The following GNB1L variants were observed in gnomAD, a reference collection of about 807,000 sequenced individuals.
The protein encoded by GNB1L is G protein subunit beta 1 like.
In GNB1L, 20 loss-of-function variants were observed where a neutral mutation model predicts 29.1. The observed-to-expected ratio is 0.69, with a 90% CI of 0.48 to 1.00. GNB1L has a LOEUF of 1.00. Ranked by LOEUF, GNB1L falls within the 50% of genes least tolerant of loss-of-function variation. GNB1L has a pLI of 0.00. For synonymous variants in GNB1L, 193 were observed against 206.5 expected, an observed-to-expected ratio of 0.93 and a Z score of 0.56; for missense variants, 421 against 464.9, an observed-to-expected ratio of 0.91 and a Z score of 0.87.
At chr22:19,812,774 C>T (rs573304402) in intron 4 of GNB1L, among the ~76,000 whole-genome samples, 4 of 152,178 alleles carry the variant, frequency 2.6e-5, no homozygotes, top group Admixed American at 6.5e-5. Flanking sequence ...CACCCTAAAA[C>T]CAGCAAACTC....
intron 2 of GNB1L, chr22:19,848,720 A>G (rs1368789671): frequency 1.0e-6 from 1 of 985,476 alleles, no homozygotes; most frequent in East Asian, 1.1e-4. Flanking sequence ...CACACGGCAG[A>G]CCATAACTCA....
intron 2 of GNB1L, among the ~76,000 whole-genome samples, chr22:19,842,571 A>ACACATCCC (rs936427345): frequency 2.0e-5 from 3 of 152,168 alleles, no homozygotes; most frequent in African/African-American, 7.2e-5. Context: ...AATGCCAAGG[A>ACACATCCC]CACATCCCCC....
At chr22:19,808,621 A>G (rs1937463655) in intron 5 of GNB1L, among the ~76,000 whole-genome samples, 1 of 152,236 alleles carries the variant, frequency 6.6e-6, no homozygotes, top group Non-Finnish European at 1.5e-5. Context: ...AACCAAGACG[A>G]GGTGCCACTG....
intron 2 of GNB1L, chr22:19,852,608 A>C: frequency 3.7e-6 from 1 of 269,056 alleles, no homozygotes; most frequent in Non-Finnish European, 7.0e-6. Context: ...GAATGGAAGG[A>C]GGGGCCCAGG....
chr22:19,832,636 C>T (rs746782595), intron 2 of GNB1L, among the ~76,000 whole-genome samples: 19 of 152,180 alleles, frequency 1.2e-4, no homozygotes, highest in Non-Finnish European at 1.5e-4. Context: ...CCCTCTCTCA[C>T]GGTGCTGCCC....
intron 6 of GNB1L, among the ~76,000 whole-genome samples, chr22:19,802,830 G>A (rs1021785705): frequency 6.6e-6 from 1 of 152,252 alleles, no homozygotes; most frequent in Non-Finnish European, 1.5e-5. Context: ...TGTGATGAAT[G>A]AGGGCGCGGG....
chr22:19,851,639 T>C (rs768105505), intron 2 of GNB1L: 2 of 1,594,254 alleles, frequency 1.3e-6, no homozygotes, highest in South Asian at 2.3e-5. Flanking sequence ...CACAGGCAGC[T>C]GAGGGGCCAC....
chr22:19,796,743 A>G (rs187082122), intron 7 of GNB1L, among the ~76,000 whole-genome samples: 27 of 152,272 alleles, frequency 1.8e-4, no homozygotes, highest in African/African-American at 5.3e-4. Flanking sequence ...ACCTCTGGAA[A>G]CAGGCTCCAT....
At chr22:19,846,403 C>CT in intron 2 of GNB1L, 2 of 984,430 alleles carry the variant, frequency 2.0e-6, no homozygotes, top group Non-Finnish European at 2.4e-6. Context: ...CAACTGGGCA[C>CT]TGCCTACTCA....
At position 19,820,707 on chromosome 22, in the gene GNB1L, C is replaced by T. The variant is rs750615518; in HGVS notation, c.145G>A (p.Val49Ile). The change falls in exon 4 of 8, where the codon GTA becomes ATA. Residue 49 changes from valine (V) to isoleucine (I), a missense_variant. By Grantham distance (29) the Val-to-Ile change is conservative (BLOSUM62 3). Coordinates refer to ENST00000329517, the MANE Select transcript of GNB1L (RefSeq NM_053004.3). ...LLFSGSQSGL[V>I]HIWSLQTRRA... ...CGCGTCTGCAGGCTCCAGATGTGTA[C>T]CAGGCCACTCTGAGACCTGTTTCAG... is the stretch of plus-strand genomic sequence containing the variant. 6.2e-7 allele frequency: 1 copy of T among 1,612,506 alleles called. No individual in the cohort carries two copies. Among genetic ancestry groups the T allele is most frequent in the East Asian group, 2.2e-5 (1 of 44,856 alleles).
chr22:19,788,729 A>T lies in GNB1L; in HGVS notation c.964T>A (p.Ser322Thr), dbSNP rs545094749. The stretch of plus-strand genomic sequence containing the variant: ...GTGAGTCATGCGCGTGGGTAGAGTG[A>T]CCAGAGGCTGATCCGCTGATCCTTG... ...GSKDQRISLW[S>T]LYPRA Residue 322 changes from serine to threonine, a missense_variant, in exon 8 of 8, where the codon TCA becomes ACA. By Grantham distance (58) the Ser-to-Thr change is moderately conservative (BLOSUM62 1). Coordinates refer to ENST00000329517, the MANE Select transcript of GNB1L (RefSeq NM_053004.3). 2 of 1,611,296 alleles carry T rather than the reference A, an allele frequency of 1.2e-6. No individual in the cohort carries two copies. Among genetic ancestry groups the T allele is most frequent in the African/African-American group, 2.7e-5 (2 of 75,024 alleles).
intron 6 of GNB1L, among the ~76,000 whole-genome samples, chr22:19,802,877 G>A (rs1937391382): frequency 6.6e-6 from 1 of 152,258 alleles, no homozygotes. Context: ...CACCTCGTTT[G>A]TTAAGCCTCT....
chr22:19,826,538 A>G (rs987289039), intron 2 of GNB1L, among the ~76,000 whole-genome samples: 13 of 152,198 alleles, frequency 8.5e-5, no homozygotes, highest in African/African-American at 2.9e-4. Flanking sequence ...AGAAACAGAG[A>G]GGGAACTGCA....
At position 19,821,572 on chromosome 22, in the gene GNB1L, C is replaced by T. The variant is rs184736504; in HGVS notation, c.-20-197G>A. On this transcript the variant is annotated intron_variant, in intron 2 of 7. Transcript: ENST00000329517. ...GCTACAGAGGCACCAGTTCCCTGCA[C>T]GGCGGTGAGCCCAGCAGAGAGCACA... 1.1e-4 allele frequency among the ~76,000 whole-genome samples: 16 copies of T among 152,296 alleles called. No individual in the cohort carries two copies. The South Asian group carries it at 1.4e-3, about 14-fold the overall frequency.
intron 2 of GNB1L, among the ~76,000 whole-genome samples, chr22:19,845,388 A>G (rs1937939266): frequency 6.6e-6 from 1 of 152,154 alleles, no homozygotes. Flanking sequence ...TGGCTCCACA[A>G]CCCACAAACA....
Position 19,783,648 on chromosome 22 carries a change from G to T in GNB1L, c.*5061C>A. ...TTTCCTCAGCTTAGCACACCCTGTG[G>T]CCGTTGTCCCCATCGTCCGTGGCTT... On this transcript the variant is annotated 3_prime_UTR_variant, in exon 8 of 8. Transcript: ENST00000329517. The T allele has an allele frequency of 6.2e-6, 1 of 161,826 alleles. No homozygotes were observed. The highest frequency in any genetic ancestry group is 1.4e-5 in the Non-Finnish European group (1 of 73,716). The allele number at this position is 161,826 out of a possible 1,614,324, so 10.0% of individuals were successfully genotyped here.
intron 5 of GNB1L, among the ~76,000 whole-genome samples, chr22:19,809,414 G>A (rs961269184): frequency 2.0e-5 from 3 of 152,156 alleles, no homozygotes; most frequent in African/African-American, 7.2e-5. Context: ...ATAAAACCTT[G>A]CACTCATTCT....
At position 19,837,029 on chromosome 22, in the gene GNB1L, C is replaced by T. The variant is rs1409211139; in HGVS notation, c.-20-15654G>A. On this transcript the variant is annotated intron_variant, in intron 2 of 7. Transcript: ENST00000329517. ...TTGCCCAGACTGGAGTGCAGTGGCG[C>T]GATCTCGGCTCACTGCAAGCTCTGC... Among the ~76,000 whole-genome samples the T allele has an allele frequency of 5.3e-5, 8 of 151,060 alleles. No individual in the cohort carries two copies. In the South Asian group the frequency reaches 1.3e-3, roughly 24 times the overall value.
At chr22:19,848,401 C>T in intron 2 of GNB1L, 1 of 985,506 alleles carries the variant, frequency 1.0e-6, no homozygotes, top group Non-Finnish European at 1.2e-6. Flanking sequence ...GGAATGCCTC[C>T]TTCCCCCAGC....
Sources: allele counts gnomAD v4.1 joint callset (sites outside exome capture counted in the v4.1 genomes callset), GRCh38; gene constraint gnomAD v4.1.1; transcripts MANE v1.5; gene names NCBI Gene and HGNC (gene_info 2026-07-23, HGNC 2026-07-21).